Variants in DIAPH3 observed in about 807,000 individuals in gnomAD.
DIAPH3 encodes protein diaphanous homolog 3.
A neutral mutation model predicts 144.3 loss-of-function variants in DIAPH3; 117 were observed. The ratio of observed to expected loss-of-function variants is 0.81; its 90% CI spans 0.70 to 0.95. The LOEUF (loss-of-function observed/expected upper bound fraction) is 0.95, where lower values mean the gene tolerates loss of function less well. Ranked by LOEUF, DIAPH3 falls within the 40% of genes least tolerant of loss-of-function variation. DIAPH3 has a pLI of 0.00. For missense variants in DIAPH3, 1,421 were observed against 1,412.7 expected (o/e 1.01, Z -0.09); for synonymous variants, 519 against 488.9 (o/e 1.06, Z -0.81).
intron 1 of DIAPH3, among the ~76,000 whole-genome samples, chr13:60,149,997 T>C (rs1180892964): frequency 2.6e-5 from 4 of 151,994 alleles, no homozygotes; most frequent in Admixed American, 2.6e-4. Context: ...TTGTTGGACT[T>C]TTTAAGAAGT....
chr13:60,095,605 GTTTT>G (rs1276893345), intron 3 of DIAPH3, among the ~76,000 whole-genome samples: 1 of 145,232 alleles, frequency 6.9e-6, no homozygotes, highest in Non-Finnish European at 1.5e-5. Flanking sequence ...AGTTATTGCT[GTTTT>G]TTGTGTTTTT....
intron 3 of DIAPH3, among the ~76,000 whole-genome samples, chr13:60,107,370 T>C (rs755542968): frequency 6.6e-6 from 1 of 151,992 alleles, no homozygotes; most frequent in African/African-American, 2.4e-5. Context: ...ATTAGAAGAA[T>C]TACACAAGGG....
At chr13:59,983,716 AT>A in intron 13 of DIAPH3, 52 bp downstream of exon 13, 3 of 1,261,930 alleles carry the variant, frequency 2.4e-6, no homozygotes, top group Non-Finnish European at 2.3e-6. Context: ...CCTAGAGCTC[AT>A]TCATAGAATA....
Position 59,774,775 on chromosome 13 carries a change from G to T in DIAPH3, c.3212C>A (p.Ser1071Tyr). ...TCTTCTGTCGCGGAAGGCAGCCCCG[G>T]ACTGCAAGGCCTCCAGCAGATTATC... Reference protein sequence around the residue: ...VMDNLLEALQSGAAFRDRRKR... With the variant: ...VMDNLLEALQYGAAFRDRRKR... The change falls in exon 26 of 28, where the codon TCC becomes TAC. Residue 1071 changes from serine to tyrosine, a missense_variant. Coordinates refer to ENST00000400324, the MANE Select transcript of DIAPH3 (RefSeq NM_001042517.2). The T allele has an allele frequency of 6.2e-7, 1 of 1,614,146 alleles. No homozygotes were observed.
At chr13:59,934,067 GA>G (rs1484960957) in intron 17 of DIAPH3, among the ~76,000 whole-genome samples, 1 of 152,002 alleles carries the variant, frequency 6.6e-6, no homozygotes, top group East Asian at 1.9e-4. Context: ...CATTGCAAAA[GA>G]AAAAACACCT....
intron 27 of DIAPH3, among the ~76,000 whole-genome samples, chr13:59,676,898 C>G (rs1018091510): frequency 1.3e-5 from 2 of 152,062 alleles, no homozygotes; most frequent in Non-Finnish European, 2.9e-5. Context: ...TTATGTATGA[C>G]TATATACATA....
chr13:59,898,786 T>C (rs2046272881), intron 20 of DIAPH3, among the ~76,000 whole-genome samples: 1 of 152,018 alleles, frequency 6.6e-6, no homozygotes, highest in Admixed American at 6.6e-5. Flanking sequence ...GGTGTAATGG[T>C]TAATATTGAG....
chr13:59,824,679 C>T (rs1176106635), intron 24 of DIAPH3, among the ~76,000 whole-genome samples: 8 of 152,040 alleles, frequency 5.3e-5, no homozygotes, highest in Non-Finnish European at 8.8e-5. Flanking sequence ...ATAATAACTA[C>T]AAAGTTTGGC....
chr13:60,094,104 T>G (rs1355460568), intron 3 of DIAPH3, among the ~76,000 whole-genome samples: 2 of 152,218 alleles, frequency 1.3e-5, no homozygotes, highest in African/African-American at 4.8e-5. Context: ...TATCTTCCAC[T>G]GCTTTGAAAG....
At chr13:59,784,578 C>A (rs938102962) in intron 25 of DIAPH3, among the ~76,000 whole-genome samples, 1 of 151,650 alleles carries the variant, frequency 6.6e-6, no homozygotes, top group Non-Finnish European at 1.5e-5. Context: ...GGTTTCACCA[C>A]GTTGCCCAGG....
intron 25 of DIAPH3, among the ~76,000 whole-genome samples, chr13:59,809,660 A>G (rs2032330571): frequency 6.6e-6 from 1 of 152,230 alleles, no homozygotes; most frequent in Non-Finnish European, 1.5e-5. Flanking sequence ...AATTCTGAGA[A>G]TATTCCCTGA....
At chr13:59,687,673 A>G (rs1593580614) in intron 27 of DIAPH3, among the ~76,000 whole-genome samples, 1 of 152,106 alleles carries the variant, frequency 6.6e-6, no homozygotes, top group African/African-American at 2.4e-5. Flanking sequence ...TTAAACAATT[A>G]TAACTTGGTT....
At chr13:59,780,433 A>G (rs1038541577) in intron 25 of DIAPH3, among the ~76,000 whole-genome samples, 3 of 152,238 alleles carry the variant, frequency 2.0e-5, no homozygotes, top group Non-Finnish European at 2.9e-5. Context: ...CAGAGAAGTT[A>G]AAATTAGTCA....
chr13:59,763,051 AG>A (rs1215043058), intron 27 of DIAPH3, among the ~76,000 whole-genome samples: 1 of 152,124 alleles, frequency 6.6e-6, no homozygotes, highest in Admixed American at 6.5e-5. Flanking sequence ...TAAGTTACCC[AG>A]TCTGTGTAAT....
chr13:59,974,959 A>G (rs1211230198), intron 14 of DIAPH3, among the ~76,000 whole-genome samples: 2 of 152,046 alleles, frequency 1.3e-5, no homozygotes, highest in Admixed American at 1.3e-4. Context: ...GTAACAACAT[A>G]ATATCTCCTG....
intron 17 of DIAPH3, among the ~76,000 whole-genome samples, chr13:59,945,399 C>A (rs1393625192): frequency 6.6e-6 from 1 of 152,092 alleles, no homozygotes; most frequent in Non-Finnish European, 1.5e-5. Context: ...CACTGTATCC[C>A]AGGAGCTAGG....
At chr13:59,714,304 G>T (rs377414406) in intron 27 of DIAPH3, among the ~76,000 whole-genome samples, 30 of 148,628 alleles carry the variant, frequency 2.0e-4, no homozygotes, top group African/African-American at 7.2e-4. Flanking sequence ...AGCTTGCAGT[G>T]AGCCGAGATC....
At chr13:60,160,839 T>C (rs1952256317) in intron 1 of DIAPH3, among the ~76,000 whole-genome samples, 1 of 152,334 alleles carries the variant, frequency 6.6e-6, no homozygotes, top group African/African-American at 2.4e-5. Flanking sequence ...CAAAGTATCA[T>C]ACAATTACAA....
intron 27 of DIAPH3, among the ~76,000 whole-genome samples, chr13:59,733,110 T>C (rs1159708036): frequency 6.6e-6 from 1 of 152,188 alleles, no homozygotes; most frequent in East Asian, 1.9e-4. Context: ...CTTCATTATC[T>C]ACATTCTTTA....
Sources: gnomAD v4.1 joint callset for allele counts (sites outside exome capture counted in the v4.1 genomes callset) on GRCh38, gnomAD v4.1.1 for gene constraint, MANE v1.5 for transcripts, NCBI Gene and HGNC (gene_info 2026-07-23, HGNC 2026-07-21) for gene names.